Variants in INTS1 observed in about 807,000 individuals in gnomAD.
INTS1 encodes the protein integrator complex subunit 1.
Under a neutral mutation model 241.6 loss-of-function variants are expected in INTS1, and 137 were observed. The observed-to-expected ratio is 0.57, with a 90% CI of 0.49 to 0.65. INTS1 has a LOEUF of 0.65. Among genes scored for constraint, INTS1 ranks in the 30% least tolerant of loss-of-function variants. INTS1 has a pLI of 0.00. For missense variants in INTS1, 3,073 were observed against 3,032.2 expected, an observed-to-expected ratio of 1.01 and a Z score of -0.32; for synonymous variants, 1,692 against 1,337.8, an observed-to-expected ratio of 1.26 and a Z score of -5.78.
intron 12 of INTS1, 114 bp downstream of exon 12, chr7:1,496,042 C>T (rs534999038): frequency 2.3e-5 from 17 of 746,428 alleles, no homozygotes; most frequent in South Asian, 2.2e-4. Flanking sequence ...AGCCGTGCTG[C>T]GGGACCGCTC....
In INTS1 at chr7:1,481,322, G is replaced by A. The variant is rs202058677; in HGVS notation, c.3850+20C>T. 651 of 1,612,320 alleles carry A rather than the reference G, an allele frequency of 4.0e-4. 2 individuals are homozygous for A. Among genetic ancestry groups the A allele is most frequent in the African/African-American group, 9.1e-4 (68 of 75,014 alleles). On this transcript the variant is annotated intron_variant, in intron 28 of 47. Transcript: ENST00000404767. The surrounding 1 kb of genome is among the most constrained non-coding windows in gnomAD (Gnocchi z 6.8). ...CGGTCAGCGTGTGTGAACCCACTCC[G>A]CAGGTCCCTGGCATCTTACTCTTGT... is the stretch of plus-strand genomic sequence containing the variant.
In INTS1 at chr7:1,472,270, C is replaced by T; in HGVS notation, c.6184+3G>A. ...GGCGTGGGTGAAGCAGGGCCTGACT[C>T]ACCCTCCACCGTTTGGCCCCGGGAA... On this transcript the variant is annotated splice_donor_region_variant and intron_variant, in intron 44 of 47. Coordinates refer to ENST00000404767, the MANE Select transcript of INTS1 (RefSeq NM_001080453.3). 3 of 1,549,362 alleles carry T rather than the reference C, an allele frequency of 1.9e-6. No homozygotes were observed. Among genetic ancestry groups the T allele is most frequent in the Non-Finnish European group, 1.7e-6 (2 of 1,145,738 alleles).
Position 1,480,867 on chromosome 7 carries a change from G to C in INTS1, c.3917C>G (p.Ser1306Cys). The change falls in exon 29 of 48, where the codon TCC becomes TGC. Residue 1306 changes from serine (S) to cysteine (C), a missense_variant. Coordinates refer to ENST00000404767, the MANE Select transcript of INTS1 (RefSeq NM_001080453.3). ...GGGCGGCAGGGAGGCTGTGAGCAAG[G>C]AGTGGAAAGTCTGGCCTCCGGAGGC... is the stretch of plus-strand genomic sequence containing the variant. ...RGASGGQTFH[S>C]LLTASLPPRR... The C allele has an allele frequency of 6.4e-7, 1 of 1,555,440 alleles. No homozygotes were observed. The highest frequency in any genetic ancestry group is 8.7e-7 in the Non-Finnish European group (1 of 1,150,420).
Position 1,496,136 on chromosome 7 carries a change from G to A in INTS1, c.1711+20C>T, listed in dbSNP as rs565062177. 8.7e-6 allele frequency: 14 copies of A among 1,602,912 alleles called. No homozygotes were observed. The South Asian group carries it at 9.9e-5, about 11-fold the overall frequency. Reference sequence around the variant, plus strand: ...CCGAGACCCCCACCAAGCAGGGCCAGGCCACCCCCACATCCTTACTCCTCT... The same window carrying A: ...CCGAGACCCCCACCAAGCAGGGCCAAGCCACCCCCACATCCTTACTCCTCT... On this transcript the variant is annotated intron_variant, in intron 12 of 47. Coordinates refer to ENST00000404767, the MANE Select transcript of INTS1 (RefSeq NM_001080453.3).
chr7:1,479,647 G>A lies in INTS1; in HGVS notation c.4112C>T (p.Ser1371Phe), dbSNP rs1781898469. Reference protein sequence around the residue: ...PLSPDPRWQSSSPRPVALALQ... With the variant: ...PLSPDPRWQSFSPRPVALALQ... ...GGCGAGGGCCACGGGGCGGGGACTG[G>A]AGCTCTGCCACCGAGGGTCCGGGCT... Residue 1371 changes from serine to phenylalanine, a missense_variant, in exon 31 of 48, where the codon TCC (serine) becomes TTC (phenylalanine). Coordinates refer to ENST00000404767, the MANE Select transcript of INTS1 (RefSeq NM_001080453.3). The A allele has an allele frequency of 3.3e-6, 5 of 1,500,808 alleles. No homozygotes were observed. The East Asian group carries it at 1.3e-4, about 38-fold the overall frequency. The allele number at this position is 1,500,808 out of a possible 1,614,324, so 93.0% of individuals were successfully genotyped here.
intron 22 of INTS1, among the ~76,000 whole-genome samples, chr7:1,486,119 A>G (rs1474196698): frequency 2.6e-5 from 4 of 151,508 alleles, no homozygotes; most frequent in African/African-American, 9.7e-5. Context: ...CAGTTTTTGT[A>G]GAGAGAGGAT....
At chr7:1,473,471 A>G in intron 42 of INTS1, 95 bp downstream of exon 42, 1 of 1,434,290 alleles carries the variant, frequency 7.0e-7, no homozygotes, top group Non-Finnish European at 9.5e-7. Flanking sequence ...GGAGCAGCAT[A>G]TCTGACACGA....
chr7:1,475,596 G>A (rs1333957382), intron 39 of INTS1, among the ~76,000 whole-genome samples: 13 of 152,106 alleles, frequency 8.5e-5, no homozygotes, highest in African/African-American at 2.7e-4. Flanking sequence ...AGACGCAGCC[G>A]TCCGCCAAGA....
At position 1,480,357 on chromosome 7, in the gene INTS1, A is replaced by G; in HGVS notation, c.4034T>C (p.Val1345Ala). ...GRIRVGTQLRVLGPEDDLAGM... is the reference protein window; with the variant it reads ...GRIRVGTQLRALGPEDDLAGM... Reference sequence around the variant, plus strand: ...AGCCAGGTCGTCCTCAGGGCCCAGCACCCGGAGCTGGGTCCCCACCCGAAT... The same window carrying G: ...AGCCAGGTCGTCCTCAGGGCCCAGCGCCCGGAGCTGGGTCCCCACCCGAAT... Residue 1345 changes from valine (V) to alanine (A), a missense_variant, in exon 30 of 48, where the codon GTG becomes GCG. Physicochemically the swap from Val to Ala is moderately conservative, Grantham distance 64. Coordinates refer to ENST00000404767, the MANE Select transcript of INTS1 (RefSeq NM_001080453.3). 1 of 1,611,642 alleles carries G rather than the reference A, an allele frequency of 6.2e-7. No individual in the cohort carries two copies. The highest frequency in any genetic ancestry group is 2.2e-5 in the East Asian group (1 of 44,840).
chr7:1,478,874 T>C lies in INTS1; in HGVS notation c.4341A>G (p.Pro1447=). The change falls in exon 32 of 48, where the codon CCA becomes CCG. Residue 1447 remains proline (P), a synonymous_variant. Transcript: ENST00000404767. ...AGAGCGAGGAGAAGCCGGTGTCCTG[T>C]GGCACACAGCGCTGCGGGGACAAAG... ...RQLCQYQRCV[P]QDTGFSSLFL... is the part of the protein sequence containing the mutation. 1 of 1,608,362 alleles carries C rather than the reference T, an allele frequency of 6.2e-7. No homozygotes were observed. The highest frequency in any genetic ancestry group is 1.1e-5 in the South Asian group (1 of 90,786).
At position 1,473,171 on chromosome 7, in the gene INTS1, C is replaced by T. The variant is rs766230774; in HGVS notation, c.5971G>A (p.Asp1991Asn). ...TTCAGCATCACCAGGTCACTGTTGT[C>T]GAAGGACAGGTCGCTGGGGAGAGAA... Reference protein sequence around the residue: ...HADPLHDLSFDNSDLVMLKSL... With the variant: ...HADPLHDLSFNNSDLVMLKSL... Residue 1991 changes from aspartate to asparagine, a missense_variant, in exon 43 of 48, where the codon GAC becomes AAC. Transcript: ENST00000404767. 1.1e-5 allele frequency: 17 copies of T among 1,610,942 alleles called. No homozygotes were observed. The highest frequency in any genetic ancestry group is 2.2e-5 in the East Asian group (1 of 44,860).
intron 17 of INTS1, 51 bp from the exon 18 acceptor site, chr7:1,489,455 G>GT: frequency 1.4e-6 from 2 of 1,439,252 alleles, no homozygotes; most frequent in South Asian, 2.5e-5. Context: ...GGCACCAGGC[G>GT]TGTGACCCCC....
In INTS1 at chr7:1,470,536, G is replaced by A. The variant is rs74821124; in HGVS notation, c.*41C>T. On this transcript the variant is annotated 3_prime_UTR_variant, in exon 48 of 48. Transcript: ENST00000404767. ...CTTTGCCTCGAGGATCCCCGGGGAC[G>A]GGACGGGCCGGGGCTTGGAGGGGGG... The A allele has an allele frequency of 2.3e-3, 3,333 of 1,429,812 alleles. 126 individuals are homozygous for A. In the East Asian group the frequency reaches 0.067, roughly 29 times the overall value. The allele number at this position is 1,429,812 out of a possible 1,614,324, so 88.6% of individuals were successfully genotyped here.
chr7:1,487,577 G>C (rs1417984078), intron 19 of INTS1, 128 bp from the exon 20 acceptor site: 2 of 1,331,768 alleles, frequency 1.5e-6, no homozygotes. Flanking sequence ...CCTGACCTGG[G>C]ATGTCCCCAA....
intron 18 of INTS1, among the ~76,000 whole-genome samples, chr7:1,488,671 G>C (rs545082145): frequency 6.6e-6 from 1 of 152,082 alleles, no homozygotes; most frequent in South Asian, 2.1e-4. Context: ...CACACTCCCC[G>C]TCCCTATGAT....
chr7:1,484,077 C>T lies in INTS1; in HGVS notation c.3355G>A (p.Ala1119Thr), dbSNP rs372312900. ...PSAASDAVLSALLSIFSRYVR... is the reference protein window; with the variant it reads ...PSAASDAVLSTLLSIFSRYVR... ...TAGCGTGAGAAGATGGACAACAGAGCGCTCAGCACGGCGTCCGACGCGGCA... is the reference window on the plus strand; with the variant it reads ...TAGCGTGAGAAGATGGACAACAGAGTGCTCAGCACGGCGTCCGACGCGGCA... The change falls in exon 25 of 48, where the codon GCT becomes ACT. Residue 1119 changes from alanine to threonine, a missense_variant. Physicochemically the swap from Ala to Thr is moderately conservative, Grantham distance 58. Transcript: ENST00000404767. 1.1e-5 allele frequency: 18 copies of T among 1,612,512 alleles called. No individual in the cohort carries two copies. In the African/African-American group the frequency reaches 1.6e-4, roughly 14 times the overall value.
chr7:1,502,679 C>T (rs1294226486), intron 3 of INTS1, among the ~76,000 whole-genome samples: 1 of 152,148 alleles, frequency 6.6e-6, no homozygotes, highest in African/African-American at 2.4e-5. Flanking sequence ...GGGAGTGACC[C>T]GGTTCTCAAA....
At position 1,482,653 on chromosome 7, in the gene INTS1, G is replaced by A; in HGVS notation, c.3596C>T (p.Pro1199Leu). The A allele has an allele frequency of 1.2e-6, 2 of 1,612,828 alleles. No homozygotes were observed. The highest frequency in any genetic ancestry group is 1.7e-6 in the Non-Finnish European group (2 of 1,179,866). Residue 1199 changes from proline to leucine, a missense_variant, in exon 27 of 48, where the codon CCA (proline) becomes CTA (leucine). Pro to Leu is a moderately conservative substitution (Grantham distance 98, BLOSUM62 -3). Transcript: ENST00000404767. ...GTCCACCAGGAAGGCGGTGGGCAGTGGCTTCTCCTCCGGAAACCAGATGTC... is the reference window on the plus strand; with the variant it reads ...GTCCACCAGGAAGGCGGTGGGCAGTAGCTTCTCCTCCGGAAACCAGATGTC... The part of the protein sequence containing the change: ...LLDIWFPEEK[P>L]LPTAFLVDTS...
rs1374623830 is a variant in INTS1, at chr7:1,474,339, C to T, written c.5658G>A (p.Ala1886=). Residue 1886 remains alanine, a synonymous_variant, in exon 41 of 48, where the codon GCG becomes GCA. Coordinates refer to ENST00000404767, the MANE Select transcript of INTS1 (RefSeq NM_001080453.3). ...LLLRHLPMIA[A]LLHGRTHLNF... ...TGAGGTGGGTGCGGCCGTGCAGGAG[C>T]GCCGCGATCATGGGCAGGTGCCTGC... 7 of 1,601,614 alleles carry T rather than the reference C, an allele frequency of 4.4e-6. No homozygotes were observed. The highest frequency in any genetic ancestry group is 4.3e-6 in the Non-Finnish European group (5 of 1,175,844).
Sources: allele counts gnomAD v4.1 joint callset (sites outside exome capture counted in the v4.1 genomes callset), GRCh38; gene constraint gnomAD v4.1.1; non-coding constraint Gnocchi (gnomAD v3.1); transcripts MANE v1.5; gene names NCBI Gene and HGNC (gene_info 2026-07-23, HGNC 2026-07-21).